GABRB1: variants seen among roughly 807,000 people sequenced by gnomAD.
GABRB1 encodes the protein gamma-aminobutyric acid type A receptor subunit beta1.
Under a neutral mutation model 51.6 loss-of-function variants are expected in GABRB1, and 17 were observed. The observed-to-expected ratio is 0.33, with a 90% confidence interval of 0.23 to 0.49. GABRB1 has a LOEUF of 0.49. GABRB1 is among the 20% of genes least tolerant of loss of function. The pLI, the probability that GABRB1 is intolerant of heterozygous loss-of-function variation, is 0.99. For synonymous variants in GABRB1, 247 were observed against 218.9 expected (o/e 1.13, Z -1.14); for missense variants, 410 against 600.6 (o/e 0.68, Z 3.32).
At chr4:47,035,622 C>T (rs1725519153) in intron 3 of GABRB1, among the ~76,000 whole-genome samples, 1 of 151,996 alleles carries the variant, frequency 6.6e-6, no homozygotes, top group African/African-American at 2.4e-5. Flanking sequence ...TGTCTTTTAA[C>T]TGTTTCTGCC....
chr4:47,422,478 C>T (rs571725750), intron 8 of GABRB1, among the ~76,000 whole-genome samples: 6 of 152,172 alleles, frequency 3.9e-5, no homozygotes, highest in Non-Finnish European at 5.9e-5. Flanking sequence ...ATTCTAAGAC[C>T]GCAAATGGCC....
chr4:47,055,662 C>T (rs564902554), intron 3 of GABRB1, among the ~76,000 whole-genome samples: 1 of 152,118 alleles, frequency 6.6e-6, no homozygotes, highest in Non-Finnish European at 1.5e-5. Context: ...CAAATGGACC[C>T]ATTTGCCATG....
chr4:47,288,212 G>A (rs192070131), intron 4 of GABRB1, among the ~76,000 whole-genome samples: 2 of 151,922 alleles, frequency 1.3e-5, no homozygotes, highest in African/African-American at 2.4e-5. Flanking sequence ...AAGATTGTTA[G>A]CACCTTGAAC....
At chr4:47,214,237 A>AG (rs1720471786) in intron 4 of GABRB1, among the ~76,000 whole-genome samples, 1 of 152,212 alleles carries the variant, frequency 6.6e-6, no homozygotes, top group South Asian at 2.1e-4. Context: ...GTCTTGGGCC[A>AG]GTCCTCAATG....
chr4:47,322,459 T>C (rs1341026758), intron 5 of GABRB1, among the ~76,000 whole-genome samples: 2 of 152,116 alleles, frequency 1.3e-5, no homozygotes, highest in African/African-American at 4.8e-5. Context: ...AGGAGAAAGA[T>C]TTGCATGACT....
chr4:46,993,652 G>C (rs1350299053), upstream of GABRB1: 2 of 552,890 alleles, frequency 3.6e-6, no homozygotes, highest in Non-Finnish European at 6.5e-6. Flanking sequence ...CGCTCAATGT[G>C]TATGTAGAGC....
At chr4:47,378,258 G>T (rs951006696) in intron 5 of GABRB1, among the ~76,000 whole-genome samples, 1 of 152,218 alleles carries the variant, frequency 6.6e-6, no homozygotes, top group Non-Finnish European at 1.5e-5. Context: ...AGCACTGATG[G>T]GGGGACCCAG....
intron 1 of GABRB1, among the ~76,000 whole-genome samples, chr4:47,008,853 C>CTTTTTTTTTTTTTTTTTTTTTT (rs1491180948): frequency 1.2e-5 from 1 of 80,066 alleles, no homozygotes; most frequent in African/African-American, 5.3e-5. Context: ...CAGATACTAC[C>CTTTTTTTTTTTTTTTTTTTTTT]TTTTTTTTTT....
chr4:47,192,318 C>T (rs1350545839), intron 4 of GABRB1, among the ~76,000 whole-genome samples: 1 of 152,082 alleles, frequency 6.6e-6, no homozygotes, highest in African/African-American at 2.4e-5. Context: ...ATGTGTTTTC[C>T]CTCATTGAAA....
At chr4:47,132,816 A>G (rs1304048582) in intron 3 of GABRB1, among the ~76,000 whole-genome samples, 1 of 152,210 alleles carries the variant, frequency 6.6e-6, no homozygotes, top group African/African-American at 2.4e-5. Flanking sequence ...CTCCAGTGCA[A>G]TCATGAGACA....
At chr4:47,402,133 G>A (rs571911946) in intron 5 of GABRB1, among the ~76,000 whole-genome samples, 1 of 152,334 alleles carries the variant, frequency 6.6e-6, no homozygotes, top group South Asian at 2.1e-4. Context: ...AAGCGGGGAA[G>A]GGAGTGGGGA....
At chr4:47,004,931 T>TTGTAA (rs1660553117) in intron 1 of GABRB1, among the ~76,000 whole-genome samples, 1 of 152,230 alleles carries the variant, frequency 6.6e-6, no homozygotes, top group African/African-American at 2.4e-5. Flanking sequence ...ATGCAGTGAT[T>TTGTAA]TGTAACTGTT....
At chr4:46,995,788 A>G (rs1723976524) in intron 1 of GABRB1, among the ~76,000 whole-genome samples, 1 of 152,236 alleles carries the variant, frequency 6.6e-6, no homozygotes, top group Non-Finnish European at 1.5e-5. Flanking sequence ...GGCTTTGGGG[A>G]AACAGTTACA....
rs1463431309 is a variant in GABRB1, at chr4:47,411,724, G to A, written c.1080+4798G>A. On this transcript the variant is annotated intron_variant, in intron 8 of 8. Coordinates refer to ENST00000295454, the MANE Select transcript of GABRB1 (RefSeq NM_000812.4). ...GTAATCAGTTGGAGAACCTGGGTGAGGGGTACATGGGGCCCCTCTGTGCTA... is the reference window on the plus strand; with the variant it reads ...GTAATCAGTTGGAGAACCTGGGTGAAGGGTACATGGGGCCCCTCTGTGCTA... 2.6e-5 allele frequency among the ~76,000 whole-genome samples: 4 copies of A among 152,174 alleles called. No individual in the cohort carries two copies. The East Asian group carries it at 7.7e-4, about 29-fold the overall frequency.
At chr4:47,160,404 G>A (rs1033225340) in intron 3 of GABRB1, among the ~76,000 whole-genome samples, 1 of 152,150 alleles carries the variant, frequency 6.6e-6, no homozygotes, top group African/African-American at 2.4e-5. Flanking sequence ...CTCATCCATC[G>A]ATAAGTTGTA....
chr4:47,261,498 C>A (rs1722435600), intron 4 of GABRB1, among the ~76,000 whole-genome samples: 1 of 152,086 alleles, frequency 6.6e-6, no homozygotes. Context: ...ACAGGAAGGA[C>A]CTCTTCAAGG....
At chr4:47,076,836 C>G (rs928031779) in intron 3 of GABRB1, among the ~76,000 whole-genome samples, 3 of 152,106 alleles carry the variant, frequency 2.0e-5, no homozygotes, top group African/African-American at 7.2e-5. Context: ...AGCACACTCC[C>G]ATAATAAATC....
chr4:47,306,920 G>A (rs1186005614), intron 4 of GABRB1, among the ~76,000 whole-genome samples: 1 of 152,164 alleles, frequency 6.6e-6, no homozygotes, highest in African/African-American at 2.4e-5. Context: ...TTTACAAGGA[G>A]TGCTTGAGGA....
At chr4:47,050,068 A>G (rs896877860) in intron 3 of GABRB1, among the ~76,000 whole-genome samples, 1 of 152,224 alleles carries the variant, frequency 6.6e-6, no homozygotes, top group Admixed American at 6.5e-5. Context: ...ATGCTTAACT[A>G]TCTATGTGCT....
Sources: allele counts gnomAD v4.1 joint callset (sites outside exome capture counted in the v4.1 genomes callset), GRCh38; gene constraint gnomAD v4.1.1; transcripts MANE v1.5; gene names NCBI Gene and HGNC (gene_info 2026-07-23, HGNC 2026-07-21).